VWA3B: variants seen among roughly 807,000 people sequenced by gnomAD.
VWA3B encodes von Willebrand factor A domain-containing protein 3B.
In VWA3B, 138 loss-of-function variants were observed where a neutral mutation model predicts 158.3. The observed-to-expected ratio is 0.87, with a 90% CI of 0.76 to 1.00. VWA3B has a LOEUF of 1.00. Among genes scored for constraint, VWA3B ranks in the 50% least tolerant of loss-of-function variants. VWA3B has a pLI of 0.00. For synonymous variants in VWA3B, 596 were observed against 587.3 expected (o/e 1.01, Z -0.21); for missense variants, 1,555 against 1,565.1 (o/e 0.99, Z 0.11).
At chr2:98,108,258 T>G (rs1161699940) in intron 2 of VWA3B, among the ~76,000 whole-genome samples, 2 of 152,182 alleles carry the variant, frequency 1.3e-5, no homozygotes, top group African/African-American at 4.8e-5. Context: ...GTAAAATGTT[T>G]AGGATGTTTT....
chr2:98,103,601 G>A (rs528632548), intron 2 of VWA3B, among the ~76,000 whole-genome samples: 2 of 151,760 alleles, frequency 1.3e-5, no homozygotes, highest in African/African-American at 4.8e-5. Context: ...TGTTTTTGTT[G>A]GATTACTAAT....
Position 98,192,956 on chromosome 2 carries a change from A to G in VWA3B, c.1525A>G (p.Ile509Val). Residue 509 changes from isoleucine to valine, a missense_variant, in exon 11 of 28, where the codon ATC becomes GTC. Ile to Val is a conservative substitution (Grantham distance 29). Coordinates refer to ENST00000477737, the MANE Select transcript of VWA3B (RefSeq NM_144992.5). ...SLFGRLHNDCIYILIDTSHSM... is the reference protein window; with the variant it reads ...SLFGRLHNDCVYILIDTSHSM... The stretch of plus-strand genomic sequence containing the variant: ...CTTTGGAAGATTGCATAATGATTGC[A>G]TCTACATTCTCATTGACACGTCTCA... The G allele has an allele frequency of 6.2e-7, 1 of 1,614,200 alleles. No individual in the cohort carries two copies. The highest frequency in any genetic ancestry group is 8.5e-7 in the Non-Finnish European group (1 of 1,180,030).
chr2:98,090,827 C>G (rs1431092719), intron 1 of VWA3B, among the ~76,000 whole-genome samples: 3 of 151,632 alleles, frequency 2.0e-5, no homozygotes, highest in African/African-American at 7.3e-5. Context: ...GCAATTAGAG[C>G]TCACTGCAAC....
At chr2:98,323,567 G>A in the VWA3B span, among the ~76,000 whole-genome samples, 25 of 151,846 alleles carry the variant, frequency 1.6e-4, no homozygotes, top group African/African-American at 6.0e-4. Flanking sequence ...GGTAGAAAAT[G>A]TTAATAGATT....
At chr2:98,101,789 A>G (rs1455051359) in intron 2 of VWA3B, among the ~76,000 whole-genome samples, 1 of 151,266 alleles carries the variant, frequency 6.6e-6, no homozygotes, top group African/African-American at 2.4e-5. Flanking sequence ...GAATTCCCAT[A>G]TAAGGAAAAA....
intron 7 of VWA3B, among the ~76,000 whole-genome samples, chr2:98,156,917 G>A (rs769542472): frequency 2.6e-5 from 4 of 152,190 alleles, no homozygotes; most frequent in East Asian, 1.9e-4. Context: ...TGGAGTCTGC[G>A]GTCATTTTTC....
chr2:98,203,563 T>C (rs555436813), intron 12 of VWA3B, among the ~76,000 whole-genome samples: 1 of 152,360 alleles, frequency 6.6e-6, no homozygotes, highest in African/African-American at 2.4e-5. Context: ...ATTCCATGAA[T>C]ACAGTATGTC....
chr2:98,227,082 A>G (rs1227453580), intron 14 of VWA3B, among the ~76,000 whole-genome samples: 2 of 152,232 alleles, frequency 1.3e-5, no homozygotes, highest in South Asian at 2.1e-4. Flanking sequence ...GGGTGTTCAA[A>G]TAGGAAGAGA....
At chr2:98,183,357 C>A (rs993287064) in intron 9 of VWA3B, among the ~76,000 whole-genome samples, 1 of 152,094 alleles carries the variant, frequency 6.6e-6, no homozygotes, top group Non-Finnish European at 1.5e-5. Flanking sequence ...TTCCCCCAGA[C>A]TCCCACTGGG....
At chr2:98,158,619 G>A (rs1382897171) in intron 7 of VWA3B, among the ~76,000 whole-genome samples, 3 of 152,146 alleles carry the variant, frequency 2.0e-5, no homozygotes, top group Non-Finnish European at 2.9e-5. Flanking sequence ...CGGCCCGAGC[G>A]TGTCCTGGCA....
At chr2:98,129,258 TGGAGA>T (rs1480577428) in intron 6 of VWA3B, among the ~76,000 whole-genome samples, 1 of 135,124 alleles carries the variant, frequency 7.4e-6, no homozygotes, top group African/African-American at 2.8e-5. Flanking sequence ...TGTGTGTGTG[TGGAGA>T]GAGAGGGAGG....
intron 2 of VWA3B, among the ~76,000 whole-genome samples, chr2:98,113,510 CT>C (rs1327947070): frequency 9.2e-5 from 14 of 152,220 alleles, no homozygotes; most frequent in African/African-American, 3.4e-4. Context: ...TATAATCCTT[CT>C]TCTAGGAGAA....
chr2:98,156,683 T>A (rs1308903581), intron 7 of VWA3B, among the ~76,000 whole-genome samples: 4 of 151,844 alleles, frequency 2.6e-5, no homozygotes, highest in Admixed American at 6.6e-5. Context: ...TTTTTTTTTT[T>A]TTGTAAATTT....
Position 98,128,389 on chromosome 2 carries a change from A to G in VWA3B, c.853A>G (p.Ser285Gly), listed in dbSNP as rs1382953985. ...EGTIAFLKDLSAKTHSRFHAF... is the reference protein window; with the variant it reads ...EGTIAFLKDLGAKTHSRFHAF... ...CACTATAGCTTTTCTAAAGGATCTG[A>G]GTGCCAAGACCCACAGCAGGTAGGC... Residue 285 changes from serine (S) to glycine (G), a missense_variant, in exon 6 of 28, where the codon AGT becomes GGT. By Grantham distance (56) the Ser-to-Gly change is moderately conservative. Coordinates refer to ENST00000477737, the MANE Select transcript of VWA3B (RefSeq NM_144992.5). The G allele has an allele frequency of 6.2e-7, 1 of 1,613,716 alleles. No homozygotes were observed. The highest frequency in any genetic ancestry group is 1.3e-5 in the African/African-American group (1 of 75,018).
intron 21 of VWA3B, among the ~76,000 whole-genome samples, chr2:98,260,592 T>G (rs1687419874): frequency 6.6e-6 from 1 of 151,700 alleles, no homozygotes; most frequent in African/African-American, 2.4e-5. Flanking sequence ...CTTGAGCGTC[T>G]GTGGATTTTG....
chr2:98,232,866 A>T (rs534287746), intron 16 of VWA3B, among the ~76,000 whole-genome samples: 6 of 152,104 alleles, frequency 3.9e-5, no homozygotes, highest in Non-Finnish European at 7.4e-5. Context: ...AGGATGTTAG[A>T]TGTCTCTGAG....
chr2:98,212,132 G>A, intron 13 of VWA3B, 104 bp downstream of exon 13: 1 of 899,116 alleles, frequency 1.1e-6, no homozygotes, highest in Non-Finnish European at 1.8e-6. Context: ...AAAATCTGTG[G>A]ACATATACTT....
intron 13 of VWA3B, among the ~76,000 whole-genome samples, chr2:98,214,980 G>C (rs1683853311): frequency 6.6e-6 from 1 of 152,266 alleles, no homozygotes; most frequent in Admixed American, 6.5e-5. Flanking sequence ...GCAGGGTATT[G>C]ACAAGAATTC....
In VWA3B at chr2:98,263,188, C is replaced by T. The variant is rs375102085; in HGVS notation, c.2843+7014C>T. On this transcript the variant is annotated intron_variant, in intron 21 of 27. Coordinates refer to ENST00000477737, the MANE Select transcript of VWA3B (RefSeq NM_144992.5). ...TTTGTGGAATCTTTAGGGTTTTCTA[C>T]ATGGAAAATCATGTCCTCTACAAAC... 5.9e-5 allele frequency among the ~76,000 whole-genome samples: 9 copies of T among 151,938 alleles called. No individual in the cohort carries two copies. In the East Asian group the frequency reaches 1.2e-3, roughly 20 times the overall value.
Sources: allele counts gnomAD v4.1 joint callset (sites outside exome capture counted in the v4.1 genomes callset), GRCh38; gene constraint gnomAD v4.1.1; transcripts MANE v1.5; gene names NCBI Gene and HGNC (gene_info 2026-07-23, HGNC 2026-07-21).